AK5: variants seen among roughly 807,000 people sequenced by gnomAD.
The protein encoded by AK5 is adenylate kinase 5, also known as adenylate kinase isoenzyme 5.
Under a neutral mutation model 69.5 loss-of-function variants are expected in AK5, and 27 were observed. The observed-to-expected ratio is 0.39, with a 90% confidence interval of 0.29 to 0.54. The LOEUF is 0.54. Ranked by LOEUF, AK5 falls within the 20% of genes least tolerant of loss-of-function variation. AK5 has a pLI of 0.71. For missense variants in AK5, 531 were observed against 700.4 expected, an observed-to-expected ratio of 0.76 and a Z score of 2.73; for synonymous variants, 260 against 244.4, an observed-to-expected ratio of 1.06 and a Z score of -0.60.
chr1:77,486,303 T>C lies in AK5; in HGVS notation c.1103-5T>C. ...CCAATAACTTAAGTTATTCTTATTT[T>C]AAAGGTTTCATGGAAGATTTGAGAA... On this transcript the variant is annotated splice_polypyrimidine_tract_variant and splice_region_variant and intron_variant, in intron 9 of 13. Coordinates refer to ENST00000354567, the MANE Select transcript of AK5 (RefSeq NM_174858.3). 6.4e-7 allele frequency: 1 copy of C among 1,564,836 alleles called. No individual in the cohort carries two copies. Among genetic ancestry groups the C allele is most frequent in the Non-Finnish European group, 8.8e-7 (1 of 1,138,326 alleles).
At chr1:77,384,694 C>T (rs1647882468) in intron 6 of AK5, among the ~76,000 whole-genome samples, 1 of 152,142 alleles carries the variant, frequency 6.6e-6, no homozygotes, top group African/African-American at 2.4e-5. Flanking sequence ...TGAACTAATC[C>T]ACATGCCTCA....
chr1:77,339,219 A>G (rs1013503376), intron 5 of AK5, among the ~76,000 whole-genome samples: 7 of 152,272 alleles, frequency 4.6e-5, no homozygotes, highest in African/African-American at 7.2e-5. Context: ...CATATGCTTA[A>G]AACATTTACT....
At chr1:77,488,897 A>G (rs1358720147) in intron 10 of AK5, among the ~76,000 whole-genome samples, 1 of 21,236 alleles carries the variant, frequency 4.7e-5, no homozygotes, top group Non-Finnish European at 1.8e-4. Context: ...CTTCAATCCA[A>G]TCAAGTCCAC....
intron 6 of AK5, among the ~76,000 whole-genome samples, chr1:77,368,343 A>ATATAATATATATGT (rs1553140441): frequency 1.5e-4 from 20 of 132,076 alleles, no homozygotes; most frequent in African/African-American, 5.9e-4. Flanking sequence ...TATATGTTAT[A>ATATAATATATATGT]TATATATGTT....
At chr1:77,505,040 A>G (rs760893649) in intron 10 of AK5, among the ~76,000 whole-genome samples, 1 of 152,176 alleles carries the variant, frequency 6.6e-6, no homozygotes, top group East Asian at 1.9e-4. Flanking sequence ...AACTTTTAAG[A>G]TTTGTTTACT....
At chr1:77,301,698 C>G (rs1659350325) in intron 5 of AK5, among the ~76,000 whole-genome samples, 1 of 152,196 alleles carries the variant, frequency 6.6e-6, no homozygotes, top group Non-Finnish European at 1.5e-5. Context: ...CACCTGGAAA[C>G]TGAACTTCAT....
At chr1:77,380,822 G>T (rs995419235) in intron 6 of AK5, among the ~76,000 whole-genome samples, 1 of 152,190 alleles carries the variant, frequency 6.6e-6, no homozygotes, top group Non-Finnish European at 1.5e-5. Context: ...ATGAAGGGAA[G>T]ATAGGAATTA....
intron 6 of AK5, among the ~76,000 whole-genome samples, chr1:77,392,944 T>G (rs910243258): frequency 6.6e-6 from 1 of 152,082 alleles, no homozygotes; most frequent in Non-Finnish European, 1.5e-5. Flanking sequence ...TTTAGATTTA[T>G]ATTTTTGAGA....
intron 10 of AK5, among the ~76,000 whole-genome samples, chr1:77,486,977 C>A (rs544336093): frequency 6.6e-6 from 1 of 152,306 alleles, no homozygotes; most frequent in African/African-American, 2.4e-5. Flanking sequence ...TAAACACTGA[C>A]CCCCTCCTTC....
At chr1:77,499,995 C>T (rs903931257) in intron 10 of AK5, among the ~76,000 whole-genome samples, 1 of 141,978 alleles carries the variant, frequency 7.0e-6, no homozygotes, top group African/African-American at 2.6e-5. Flanking sequence ...GATGAAAGCT[C>T]AGATTAAGTT....
chr1:77,496,619 C>T (rs1375847403), intron 10 of AK5, among the ~76,000 whole-genome samples: 1 of 152,168 alleles, frequency 6.6e-6, no homozygotes, highest in Non-Finnish European at 1.5e-5. Flanking sequence ...ATGAAAGGAC[C>T]TGAGCATGTC....
intron 12 of AK5, among the ~76,000 whole-genome samples, chr1:77,525,444 T>A (rs115281275): frequency 0.019 from 2,903 of 152,320 alleles, 49 homozygotes; most frequent in Non-Finnish European, 0.029. Context: ...GGCATTGACA[T>A]CTGCTTCTGG....
Position 77,497,103 on chromosome 1 carries a change from A to G in AK5, c.1147+10751A>G, listed in dbSNP as rs1037351252. ...CACTTTTTGGGTCTGCACTGCCTTT[A>G]TGAGCTGTAACACTCACTGGTGGCT... On this transcript the variant is annotated intron_variant, in intron 10 of 13. Transcript: ENST00000354567. Among the ~76,000 whole-genome samples, 4 of 152,220 alleles carry G rather than the reference A, an allele frequency of 2.6e-5. No homozygotes were observed. The East Asian group carries it at 7.7e-4, about 29-fold the overall frequency.
At chr1:77,367,502 GTTT>G (rs1646972836) in intron 6 of AK5, among the ~76,000 whole-genome samples, 1 of 126,266 alleles carries the variant, frequency 7.9e-6, no homozygotes, top group Non-Finnish European at 1.6e-5. Flanking sequence ...TGTTTGTTTT[GTTT>G]TTTTGTAGAG....
chr1:77,346,204 G>C (rs1181425505), intron 6 of AK5: 1 of 152,190 alleles, frequency 6.6e-6, no homozygotes, highest in Admixed American at 6.6e-5. Context: ...GACCAAAGTG[G>C]ACCATGCCCT....
At chr1:77,555,266 A>C (rs1035929846) in intron 13 of AK5, among the ~76,000 whole-genome samples, 1 of 152,212 alleles carries the variant, frequency 6.6e-6, no homozygotes. Flanking sequence ...TGACAGAGCA[A>C]GACCCTGTTT....
chr1:77,329,565 A>G lies in AK5; in HGVS notation c.700-10812A>G, dbSNP rs191351996. On this transcript the variant is annotated intron_variant, in intron 5 of 13. Transcript: ENST00000354567. The stretch of plus-strand genomic sequence containing the variant: ...TGTGCCACTGTGCCTGGCCATATGA[A>G]TTTGCATTTCTAACAGGCTTCTAGA... Among the ~76,000 whole-genome samples the G allele has an allele frequency of 1.2e-4, 18 of 152,248 alleles. No homozygotes were observed. In the East Asian group the frequency reaches 3.3e-3, roughly 28 times the overall value.
At chr1:77,529,468 G>A (rs1007459706) in intron 12 of AK5, among the ~76,000 whole-genome samples, 4 of 152,002 alleles carry the variant, frequency 2.6e-5, no homozygotes, top group African/African-American at 9.7e-5. Context: ...GGGATTACAG[G>A]TGCCCACCAC....
chr1:77,483,504 T>TAA, intron 9 of AK5, 145 bp downstream of exon 9: 1 of 696,864 alleles, frequency 1.4e-6, no homozygotes, highest in Non-Finnish European at 2.5e-6. Flanking sequence ...GTAGAACTCT[T>TAA]TGGGTCTTTC....
Sources: gnomAD v4.1 joint callset for allele counts (sites outside exome capture counted in the v4.1 genomes callset) on GRCh38, gnomAD v4.1.1 for gene constraint, MANE v1.5 for transcripts, NCBI Gene and HGNC (gene_info 2026-07-23, HGNC 2026-07-21) for gene names.